ANKFY1: variants seen among roughly 807,000 people sequenced by gnomAD.
ANKFY1 encodes the protein ankyrin repeat and FYVE domain-containing protein 1.
Under a neutral mutation model 128.3 loss-of-function variants are expected in ANKFY1, and 47 were observed. The observed-to-expected ratio is 0.37, with a 90% CI of 0.29 to 0.47. ANKFY1 has a LOEUF of 0.47. Among genes scored for constraint, ANKFY1 ranks in the 20% least tolerant of loss-of-function variants. ANKFY1 has a pLI of 1.00. For missense variants in ANKFY1, 1,222 were observed against 1,510.6 expected (o/e 0.81, Z 3.17); for synonymous variants, 553 against 601.6 (o/e 0.92, Z 1.18).
rs985891393 is a variant in ANKFY1 at position 4,169,382 on chromosome 17, T to C, written c.3287-94A>G. On this transcript the variant is annotated intron_variant, in intron 23 of 24. Coordinates refer to ENST00000341657, the MANE Select transcript of ANKFY1 (RefSeq NM_001330063.2). This position sits in a 1 kb window ranked among gnomAD's most constrained non-coding sequence, Gnocchi z 5.0. Reference sequence around the variant, plus strand: ...GGCAGCAGGAACACAGACCCGTAAGTGAGGCAGCGCTGCCACATGACATAG... The same window carrying C: ...GGCAGCAGGAACACAGACCCGTAAGCGAGGCAGCGCTGCCACATGACATAG... The C allele has an allele frequency of 2.2e-6, 2 of 924,002 alleles. No homozygotes were observed. Among genetic ancestry groups the C allele is most frequent in the Non-Finnish European group, 3.4e-6 (2 of 590,424 alleles). 57.2% of individuals were successfully genotyped at this position (924,002 alleles called of 1,614,324 possible). A position where few individuals can be genotyped will look rare whatever the true frequency, so the allele number is the denominator to read the frequency against.
chr17:4,181,211 AG>A lies in ANKFY1; in HGVS notation c.2240+42del. On this transcript the variant is annotated intron_variant, in intron 16 of 24. Transcript: ENST00000341657. The surrounding 1 kb of genome is among the most constrained non-coding windows in gnomAD (Gnocchi z 4.9). ...AAAAGGAAAGAGCCAGTTTGCAACA[AG>A]CTCACTAAAAAGCTGTGGAGAGATA... 6.7e-7 allele frequency: 1 copy of A among 1,500,080 alleles called. No homozygotes were observed. The highest frequency in any genetic ancestry group is 1.8e-4 in the Middle Eastern group (1 of 5,702). The allele number at this position is 1,500,080 out of a possible 1,614,324, so 92.9% of individuals were successfully genotyped here.
In ANKFY1 at chr17:4,173,444, G is replaced by A; in HGVS notation, c.2924C>T (p.Ala975Val). The stretch of plus-strand genomic sequence containing the variant: ...GCCGTGCATGACAGCAAGATGAAGA[G>A]CTGGGAAGTAAATCCTCTTACTATG... ...FAAVDENGNN[A>V]LHLAVMHGRL... is the part of the protein sequence containing the mutation. The change falls in exon 21 of 25, where the codon GCT becomes GTT. Residue 975 changes from alanine to valine, a missense_variant and splice_region_variant. Transcript: ENST00000341657. 6.2e-7 allele frequency: 1 copy of A among 1,614,022 alleles called. No homozygotes were observed. Among genetic ancestry groups the A allele is most frequent in the Non-Finnish European group, 8.5e-7 (1 of 1,179,872 alleles).
At chr17:4,248,981 CTTGAG>C (rs762914240) in intron 1 of ANKFY1, 45 of 218,120 alleles carry the variant, frequency 2.1e-4, no homozygotes, top group Non-Finnish European at 3.0e-4. Context: ...GTTCATCACT[CTTGAG>C]TTAACAAAAC....
chr17:4,200,072 TTG>T (rs1395900684), intron 7 of ANKFY1, among the ~76,000 whole-genome samples: 6 of 151,278 alleles, frequency 4.0e-5, no homozygotes, highest in Admixed American at 6.6e-5. Flanking sequence ...GATTTTTTTT[TTG>T]TTTTTGAGAC....
At chr17:4,182,978 C>T (rs937568899) in intron 14 of ANKFY1, among the ~76,000 whole-genome samples, 3 of 151,958 alleles carry the variant, frequency 2.0e-5, no homozygotes, top group African/African-American at 7.3e-5. Context: ...TGGTGGTGGG[C>T]GCCTGTAATC....
intron 7 of ANKFY1, among the ~76,000 whole-genome samples, chr17:4,202,050 G>A (rs79515845): frequency 0.012 from 1,874 of 152,248 alleles, 45 homozygotes; most frequent in African/African-American, 0.043. Flanking sequence ...ATACTCAGGG[G>A]AGAAGGGTTA....
At chr17:4,222,267 C>A (rs1359965008) in intron 3 of ANKFY1, 8 of 580,210 alleles carry the variant, frequency 1.4e-5, no homozygotes, top group South Asian at 3.7e-5. Flanking sequence ...CGGGGCCCAG[C>A]GTGAGCCTCT....
chr17:4,186,888 C>T, intron 11 of ANKFY1: 6 of 1,058,996 alleles, frequency 5.7e-6, no homozygotes, highest in Non-Finnish European at 5.7e-6. Context: ...TGTTAGACAT[C>T]CCTACCTTAA....
intron 1 of ANKFY1, among the ~76,000 whole-genome samples, chr17:4,255,797 T>C (rs547661064): frequency 2.6e-5 from 4 of 152,142 alleles, no homozygotes; most frequent in East Asian, 1.9e-4. Context: ...TGGTGATTAA[T>C]TACCACCACT....
chr17:4,224,313 C>T (rs908003170), intron 3 of ANKFY1, among the ~76,000 whole-genome samples: 9 of 148,972 alleles, frequency 6.0e-5, no homozygotes, highest in Non-Finnish European at 1.2e-4. Flanking sequence ...GGCTCTGCCC[C>T]CGGGGTTCAC....
chr17:4,241,827 C>T (rs1232725622), intron 2 of ANKFY1, among the ~76,000 whole-genome samples: 4 of 151,740 alleles, frequency 2.6e-5, no homozygotes, highest in Non-Finnish European at 4.4e-5. Context: ...CGGTGGCTCA[C>T]GCTTGTAATC....
At chr17:4,215,196 G>A (rs2060200050) in intron 4 of ANKFY1, among the ~76,000 whole-genome samples, 1 of 151,780 alleles carries the variant, frequency 6.6e-6, no homozygotes, top group Non-Finnish European at 1.5e-5. Context: ...GGCTGAGGCA[G>A]GAGAATCGCT....
chr17:4,193,367 C>T (rs1021511521), intron 10 of ANKFY1, among the ~76,000 whole-genome samples: 2 of 151,122 alleles, frequency 1.3e-5, no homozygotes, highest in Non-Finnish European at 2.9e-5. Context: ...GCAATCCTCC[C>T]ACATCAGCCT....
At position 4,183,433 on chromosome 17, in the gene ANKFY1, G is replaced by A; in HGVS notation, c.1917C>T (p.Leu639=). The A allele has an allele frequency of 1.2e-6, 2 of 1,613,964 alleles. No homozygotes were observed. The highest frequency in any genetic ancestry group is 1.7e-6 in the Non-Finnish European group (2 of 1,180,038). Residue 639 remains leucine, a synonymous_variant, in exon 14 of 25, where the codon CTC becomes CTT. Transcript: ENST00000341657. ...AIQRQDSKSA[L]FLLEHQADIN... ...TATCTGCCTGGTGCTCCAGCAGGAAGAGTGCGCTCTTGCTGTCCTGCCGCT... is the reference window on the plus strand; with the variant it reads ...TATCTGCCTGGTGCTCCAGCAGGAAAAGTGCGCTCTTGCTGTCCTGCCGCT...
chr17:4,239,503 T>C (rs749746672), intron 2 of ANKFY1, among the ~76,000 whole-genome samples: 34 of 152,222 alleles, frequency 2.2e-4, no homozygotes, highest in Non-Finnish European at 3.8e-4. Flanking sequence ...ATAGCAGTTT[T>C]GAATCCTGAG....
In ANKFY1 at chr17:4,228,479, C is replaced by T. The variant is rs141591708; in HGVS notation, c.322+7293G>A. ...TCGTCCAGACGGGAGTGCAATGACG[C>T]GATCTCGGCTCACTGCAACCTCTGC... On this transcript the variant is annotated intron_variant, in intron 3 of 24. Transcript: ENST00000341657. Among the ~76,000 whole-genome samples, 818 of 151,692 alleles carry T rather than the reference C, an allele frequency of 5.4e-3. 5 individuals are homozygous for T. The highest frequency in any genetic ancestry group is 0.018 in the African/African-American group (760 of 41,348).
chr17:4,235,740 A>G (rs763664544), intron 3 of ANKFY1, 32 bp downstream of exon 3: 12 of 1,490,420 alleles, frequency 8.1e-6, no homozygotes, highest in Non-Finnish European at 1.0e-5. Context: ...TTCCGCTAGC[A>G]GTTTTGTGTC....
chr17:4,252,183 T>C (rs1399368990), intron 1 of ANKFY1, among the ~76,000 whole-genome samples: 1 of 152,144 alleles, frequency 6.6e-6, no homozygotes, highest in Non-Finnish European at 1.5e-5. Context: ...AAGATGTGCA[T>C]CATTAGTAAT....
At chr17:4,263,764 C>T in intron 1 of ANKFY1, 168 bp downstream of exon 1, 1 of 1,539,468 alleles carries the variant, frequency 6.5e-7, no homozygotes, top group East Asian at 2.4e-5. Context: ...AACCGCGCTC[C>T]GGACCCCGGC....
Sources: gnomAD v4.1 joint callset for allele counts (sites outside exome capture counted in the v4.1 genomes callset) on GRCh38, gnomAD v4.1.1 for gene constraint, Gnocchi (gnomAD v3.1) non-coding constraint, MANE v1.5 for transcripts, NCBI Gene and HGNC (gene_info 2026-07-23, HGNC 2026-07-21) for gene names.